Variants in CNTN1 observed in about 807,000 individuals in gnomAD.
CNTN1 encodes the protein contactin-1.
Under a neutral mutation model 126.4 loss-of-function variants are expected in CNTN1, and 38 were observed. That is an observed-to-expected ratio of 0.30 (90% confidence interval 0.23 to 0.39). CNTN1 has a LOEUF of 0.39. CNTN1 is among the 10% of genes least tolerant of loss of function. The pLI is 1.00. For synonymous variants in CNTN1, 413 were observed against 422.6 expected (o/e 0.98, Z 0.28); for missense variants, 1,009 against 1,248.4 (o/e 0.81, Z 2.89).
At chr12:40,704,306 C>A (rs932892425) in intron 1 of CNTN1, among the ~76,000 whole-genome samples, 5 of 151,858 alleles carry the variant, frequency 3.3e-5, no homozygotes, top group African/African-American at 1.2e-4. Flanking sequence ...CTAGATCATT[C>A]TTGATAAGAA....
intron 17 of CNTN1, among the ~76,000 whole-genome samples, chr12:40,994,929 CTAAATT>C (rs1432997892): frequency 6.6e-6 from 1 of 151,948 alleles, no homozygotes; most frequent in Non-Finnish European, 1.5e-5. Context: ...GCTGTCAGAT[CTAAATT>C]TGAATTCTGA....
At chr12:40,948,084 G>T (rs536047675) in intron 14 of CNTN1, among the ~76,000 whole-genome samples, 1 of 151,544 alleles carries the variant, frequency 6.6e-6, no homozygotes, top group South Asian at 2.1e-4. Flanking sequence ...TACTTCACTG[G>T]GTTTGAAAAA....
chr12:40,723,801 G>A (rs4767989), intron 1 of CNTN1, among the ~76,000 whole-genome samples: 150,697 of 152,292 alleles, frequency 0.99, 74,569 homozygotes, highest in Middle Eastern at 1. Flanking sequence ...AGGAACTACT[G>A]ATGTGACCAA....
At chr12:40,951,606 G>T (rs1220725332) in intron 14 of CNTN1, among the ~76,000 whole-genome samples, 1 of 151,274 alleles carries the variant, frequency 6.6e-6, no homozygotes, top group African/African-American at 2.4e-5. Context: ...CTACTCGAGA[G>T]GCTGAGGCAT....
At chr12:40,986,619 C>T (rs934944361) in intron 16 of CNTN1, among the ~76,000 whole-genome samples, 4 of 152,126 alleles carry the variant, frequency 2.6e-5, no homozygotes, top group African/African-American at 9.7e-5. Context: ...CCAGAGTGCT[C>T]GGGCTTTTTA....
At chr12:40,715,599 C>A (rs528914103) in intron 1 of CNTN1, among the ~76,000 whole-genome samples, 9 of 152,194 alleles carry the variant, frequency 5.9e-5, no homozygotes, top group African/African-American at 1.9e-4. Context: ...TGCTTTTAAG[C>A]AATAAATCTG....
chr12:41,040,812 G>T (rs1308039033), intron 23 of CNTN1, among the ~76,000 whole-genome samples: 1 of 148,052 alleles, frequency 6.8e-6, no homozygotes, highest in East Asian at 2.0e-4. Flanking sequence ...AGGAGATTTT[G>T]GGCTGAGACA....
At position 40,922,251 on chromosome 12, in the gene CNTN1, CAT is replaced by C. The variant is rs1945468731; in HGVS notation, c.228-3_228-2del. On this transcript the variant is annotated splice_region_variant and splice_polypyrimidine_tract_variant and intron_variant, in intron 4 of 23. Coordinates refer to ENST00000551295, the MANE Select transcript of CNTN1 (RefSeq NM_001843.4). ...TGATATGACCTTTGTGTCTTTTTCT[CAT>C]AGATGGAGAATGAATAATGGGGACG... 4 of 1,613,466 alleles carry C rather than the reference CAT, an allele frequency of 2.5e-6. No homozygotes were observed. Among genetic ancestry groups the C allele is most frequent in the Non-Finnish European group, 3.4e-6 (4 of 1,179,536 alleles).
chr12:40,822,984 AT>A (rs1490446708), intron 1 of CNTN1, among the ~76,000 whole-genome samples: 1 of 152,232 alleles, frequency 6.6e-6, no homozygotes, highest in East Asian at 1.9e-4. Context: ...CCCACTTATA[AT>A]TGAGAATATA....
At chr12:40,874,405 CAT>C (rs1047617623) in intron 1 of CNTN1, among the ~76,000 whole-genome samples, 3 of 152,192 alleles carry the variant, frequency 2.0e-5, no homozygotes, top group East Asian at 1.9e-4. Context: ...AATTGGAGCA[CAT>C]GTTATTTTGT....
At chr12:40,695,705 C>T (rs1458571561) in intron 1 of CNTN1, among the ~76,000 whole-genome samples, 2 of 151,852 alleles carry the variant, frequency 1.3e-5, no homozygotes, top group East Asian at 3.9e-4. Context: ...CCATATTGTC[C>T]ATCTTCTTGA....
intron 1 of CNTN1, among the ~76,000 whole-genome samples, chr12:40,750,957 C>T (rs374855978): frequency 1.1e-4 from 17 of 151,996 alleles, no homozygotes; most frequent in East Asian, 7.8e-4. Flanking sequence ...GAGAAGAAGC[C>T]AAGGTCATAA....
intron 21 of CNTN1, among the ~76,000 whole-genome samples, chr12:41,026,389 A>C (rs1047971481): frequency 6.6e-6 from 1 of 152,230 alleles, no homozygotes; most frequent in Non-Finnish European, 1.5e-5. Context: ...AGGGCAATAA[A>C]ATGAATAAAT....
chr12:41,060,616 G>A (rs959393434), intron 23 of CNTN1, among the ~76,000 whole-genome samples: 1 of 152,190 alleles, frequency 6.6e-6, no homozygotes, highest in African/African-American at 2.4e-5. Context: ...CTGTAAATGT[G>A]AGAACATTCT....
At chr12:40,940,698 G>A (rs761059618) in intron 12 of CNTN1, among the ~76,000 whole-genome samples, 2 of 152,116 alleles carry the variant, frequency 1.3e-5, no homozygotes, top group African/African-American at 2.4e-5. Context: ...AGGCACGGCT[G>A]TTTATGGAAT....
At chr12:40,844,054 TTC>T (rs1196849024) in intron 1 of CNTN1, among the ~76,000 whole-genome samples, 1 of 150,052 alleles carries the variant, frequency 6.7e-6, no homozygotes, top group Non-Finnish European at 1.5e-5. Flanking sequence ...ATTGAAAAAA[TTC>T]TTTGGCACAA....
chr12:40,782,913 G>A (rs1357623882), intron 1 of CNTN1, among the ~76,000 whole-genome samples: 3 of 151,960 alleles, frequency 2.0e-5, no homozygotes, highest in Non-Finnish European at 4.4e-5. Context: ...GGGTGTGCAT[G>A]CTGTTGCCAG....
At chr12:40,734,241 C>G (rs895393803) in intron 1 of CNTN1, among the ~76,000 whole-genome samples, 1 of 152,084 alleles carries the variant, frequency 6.6e-6, no homozygotes, top group Non-Finnish European at 1.5e-5. Flanking sequence ...GCCAAGTTCT[C>G]TAGCTGAGAA....
At chr12:40,748,710 A>T (rs1938279915) in intron 1 of CNTN1, among the ~76,000 whole-genome samples, 1 of 152,026 alleles carries the variant, frequency 6.6e-6, no homozygotes, top group African/African-American at 2.4e-5. Flanking sequence ...TTGTTCCTAA[A>T]GTCTTTTGTA....
Sources: allele counts gnomAD v4.1 joint callset (sites outside exome capture counted in the v4.1 genomes callset), GRCh38; gene constraint gnomAD v4.1.1; transcripts MANE v1.5; gene names NCBI Gene and HGNC (gene_info 2026-07-23, HGNC 2026-07-21).